Variants in USP50 observed in about 807,000 individuals in gnomAD.
USP50 encodes ubiquitin specific peptidase 50, also known as ubiquitin carboxyl-terminal hydrolase 50.
Under a neutral mutation model 39.2 loss-of-function variants are expected in USP50, and 37 were observed. That is an observed-to-expected ratio of 0.94 (90% CI 0.73 to 1.24). The LOEUF (loss-of-function observed/expected upper bound fraction) is 1.24. Ranked by LOEUF, USP50 falls within the 50% of genes most tolerant of loss-of-function variation. The probability of loss-of-function intolerance (pLI) is 0.00; values close to 1 mark genes in which losing one functional copy is unlikely to be tolerated. For missense variants in USP50, 374 were observed against 398.2 expected (o/e 0.94, Z 0.52); for synonymous variants, 139 against 144.5 (o/e 0.96, Z 0.27).
At chr15:50,523,699 T>C (rs892490839) in intron 6 of USP50, among the ~76,000 whole-genome samples, 2 of 152,100 alleles carry the variant, frequency 1.3e-5, no homozygotes, top group African/African-American at 4.8e-5. Flanking sequence ...TGCTAAAATG[T>C]CCATACTACG....
downstream of USP50, chr15:50,499,932 A>G (rs2052550381): frequency 6.6e-6 from 1 of 152,188 alleles, no homozygotes; most frequent in Non-Finnish European, 1.5e-5. Flanking sequence ...CATTCTAAAT[A>G]TTAAAGTAAA....
chr15:50,498,097 C>T (rs538953287), downstream of USP50, among the ~76,000 whole-genome samples: 11 of 152,206 alleles, frequency 7.2e-5, no homozygotes, highest in African/African-American at 2.4e-4. Context: ...TATGAAATAA[C>T]CATATTACAC....
chr15:50,524,478 C>G (rs998303462), intron 6 of USP50, among the ~76,000 whole-genome samples: 26 of 152,292 alleles, frequency 1.7e-4, no homozygotes, highest in African/African-American at 6.3e-4. Context: ...AGATATTTCT[C>G]AAGACATACA....
At chr15:50,497,478 C>T (rs967748446), downstream of USP50, 1 of 330,548 alleles carries the variant, frequency 3.0e-6, no homozygotes, top group African/African-American at 2.1e-5. Flanking sequence ...AATTACAAAG[C>T]ATCAAGTGAA....
chr15:50,504,567 A>G, intron 6 of USP50: 1 of 152,312 alleles, frequency 6.6e-6, no homozygotes, highest in Non-Finnish European at 1.5e-5. Context: ...CATTTTATAT[A>G]GGGCCCTTGA....
chr15:50,538,936 C>T (rs189153498), intron 4 of USP50, 85 bp from the exon 5 acceptor site: 5 of 1,415,852 alleles, frequency 3.5e-6, no homozygotes, highest in Middle Eastern at 1.8e-4. Context: ...TTGCAAATGC[C>T]GTGGAAATGT....
At chr15:50,528,682 G>A (rs2052917526) in intron 6 of USP50, among the ~76,000 whole-genome samples, 1 of 152,168 alleles carries the variant, frequency 6.6e-6, no homozygotes, top group Non-Finnish European at 1.5e-5. Context: ...AAATTGGAAA[G>A]GAGAATGTTG....
chr15:50,493,090 C>T, downstream of USP50: 2 of 729,012 alleles, frequency 2.7e-6, no homozygotes, highest in Admixed American at 2.0e-5. Context: ...CGTCTAGGTG[C>T]CGGCATCTGG....
chr15:50,529,718 G>A lies in USP50; in HGVS notation c.936+79C>T, dbSNP rs2052925102. 6.0e-6 allele frequency: 9 copies of A among 1,492,622 alleles called. No individual in the cohort carries two copies. In the South Asian group the frequency reaches 1.1e-4, roughly 18 times the overall value. The allele number at this position is 1,492,622 out of a possible 1,614,324, so 92.5% of individuals were successfully genotyped here. On this transcript the variant is annotated intron_variant, in intron 6 of 6. Transcript: ENST00000532404. ...GTAGGGCATAAGCCAGGGAGAGACA[G>A]GAGAAATAGGGATTCAAGCAGATAA...
rs371844740 is a variant in USP50, at chr15:50,529,551, T to A, written c.936+246A>T. Among the ~76,000 whole-genome samples, 76 of 152,220 alleles carry A rather than the reference T, an allele frequency of 5.0e-4. 1 individual carries two copies. The South Asian group carries it at 0.015, about 31-fold the overall frequency. On this transcript the variant is annotated intron_variant, in intron 6 of 6. Transcript: ENST00000532404. ...CTGCTGCTGCTTCTAGGAGCACAAT[T>A]TGCAGTATCCTTAGATCTTAGATCT...
At chr15:50,513,702 A>C (rs1452821965) in intron 6 of USP50, 1 of 149,992 alleles carries the variant, frequency 6.7e-6, no homozygotes, top group Non-Finnish European at 1.5e-5. Context: ...GTAGTTATTT[A>C]AACCACAATG....
At chr15:50,498,883 T>TCTA, downstream of USP50, 1 of 1,568,318 alleles carries the variant, frequency 6.4e-7, no homozygotes, top group African/African-American at 1.4e-5. Context: ...TGATTTTTTT[T>TCTA]TCTATCTTGT....
At position 50,505,345 on chromosome 15, in the gene USP50, G is replaced by A. The variant is rs1314547361; in HGVS notation, c.937-4508C>T. The A allele has an allele frequency of 3.3e-5, 5 of 152,246 alleles. No individual in the cohort carries two copies. The South Asian group carries it at 8.3e-4, about 25-fold the overall frequency. The allele number at this position is 152,246 out of a possible 1,614,324, so 9.4% of individuals were successfully genotyped here. On this transcript the variant is annotated intron_variant, in intron 6 of 6. Coordinates refer to ENST00000532404, the MANE Select transcript of USP50 (RefSeq NM_203494.5). ...CTGCTGGTAGAAGTTCTCCATAGCA[G>A]CCATAGAAATCAGAGACAATACAGT...
chr15:50,529,431 C>T (rs1223796538), intron 6 of USP50, among the ~76,000 whole-genome samples: 1 of 151,860 alleles, frequency 6.6e-6, no homozygotes, highest in Non-Finnish European at 1.5e-5. Flanking sequence ...GAGGCTGCAG[C>T]GAGCTGGGAT....
At chr15:50,538,661 A>C in intron 5 of USP50, 48 bp downstream of exon 5, 1 of 1,528,964 alleles carries the variant, frequency 6.5e-7, no homozygotes. Context: ...TTTTATCTCT[A>C]TAAGGCTGTT....
intron 5 of USP50, among the ~76,000 whole-genome samples, chr15:50,530,353 C>T (rs1361666957): frequency 3.3e-5 from 5 of 151,680 alleles, no homozygotes; most frequent in African/African-American, 7.3e-5. Context: ...GAGGCTGAGG[C>T]GGGTGGATCA....
intron 6 of USP50, chr15:50,512,325 T>TAA (rs1373639566): frequency 1.1e-4 from 15 of 136,310 alleles, no homozygotes; most frequent in African/African-American, 3.2e-4. Flanking sequence ...AAGACTCTGT[T>TAA]AAAAAAAAAA....
At chr15:50,493,262 T>G, downstream of USP50, 2 of 512,976 alleles carry the variant, frequency 3.9e-6, no homozygotes, top group Non-Finnish European at 7.7e-6. Context: ...CCTGTCACAT[T>G]GGCAACACCT....
At chr15:50,524,206 C>T (rs7170460) in intron 6 of USP50, among the ~76,000 whole-genome samples, 28,725 of 152,170 alleles carry the variant, frequency 0.19, 2,974 homozygotes, top group Admixed American at 0.29. Flanking sequence ...ACAGCGTTGG[C>T]CTAGACAATG....
Sources: gnomAD v4.1 joint callset for allele counts (sites outside exome capture counted in the v4.1 genomes callset) on GRCh38, gnomAD v4.1.1 for gene constraint, MANE v1.5 for transcripts, NCBI Gene and HGNC (gene_info 2026-07-23, HGNC 2026-07-21) for gene names.